Variants in KCNJ12 observed in about 807,000 individuals in gnomAD.
The protein encoded by KCNJ12 is ATP-sensitive inward rectifier potassium channel 12.
Under a neutral mutation model 22.3 loss-of-function variants are expected in KCNJ12, and 2 were observed. That is an observed-to-expected ratio of 0.09 (90% CI 0.04 to 0.28). The LOEUF is 0.28. Among genes scored for constraint, KCNJ12 ranks in the 10% least tolerant of loss-of-function variants. The pLI, the probability that KCNJ12 is intolerant of heterozygous loss-of-function variation, is 1.00. For missense variants in KCNJ12, 155 were observed against 633.3 expected (o/e 0.24, Z 8.11); for synonymous variants, 117 against 261.4 (o/e 0.45, Z 5.33).
At chr17:21,392,339 C>G (rs1336375279) in intron 1 of KCNJ12, among the ~76,000 whole-genome samples, 1 of 152,192 alleles carries the variant, frequency 6.6e-6, no homozygotes, top group Non-Finnish European at 1.5e-5. Context: ...TGTGTTTGCT[C>G]AGAGAACCCA....
chr17:21,385,777 G>A (rs1437760034), intron 1 of KCNJ12, among the ~76,000 whole-genome samples: 3 of 152,242 alleles, frequency 2.0e-5, no homozygotes, highest in South Asian at 4.1e-4. Context: ...TCATGACCAG[G>A]CTCTTGGTGG....
chr17:21,416,678 G>A lies in KCNJ12; in HGVS notation c.*34G>A, dbSNP rs782517673. 19 of 1,543,366 alleles carry A rather than the reference G, an allele frequency of 1.2e-5. No individual in the cohort carries two copies. Among genetic ancestry groups the A allele is most frequent in the African/African-American group, 9.6e-5 (7 of 73,126 alleles). ...TGGCCGACATGCAGCATCCACCCCC[G>A]GCTGGGGAGAGGCCCCGCGGTCGCT... On this transcript the variant is annotated 3_prime_UTR_variant, in exon 3 of 3. Transcript: ENST00000583088.
chr17:21,406,172 T>C (rs1431724120), intron 1 of KCNJ12, among the ~76,000 whole-genome samples: 5 of 152,406 alleles, frequency 3.3e-5, no homozygotes, highest in African/African-American at 1.2e-4. Context: ...GCAGGTGACT[T>C]AGCTTCTCTC....
intron 1 of KCNJ12, among the ~76,000 whole-genome samples, chr17:21,393,931 T>C (rs1555559614): frequency 1.3e-5 from 2 of 152,234 alleles, no homozygotes; most frequent in African/African-American, 2.4e-5. Flanking sequence ...AGGGTGCCAC[T>C]GAGGGCACTG....
At chr17:21,378,260 G>T (rs1178695620) in intron 1 of KCNJ12, among the ~76,000 whole-genome samples, 1 of 152,244 alleles carries the variant, frequency 6.6e-6, no homozygotes, top group Non-Finnish European at 1.5e-5. Context: ...CCTGTGGCGG[G>T]CGAGGGTCAG....
At position 21,418,415 on chromosome 17, in the gene KCNJ12, G is replaced by A. The variant is rs1281788850; in HGVS notation, c.*1771G>A. 1 of 162,112 alleles carries A rather than the reference G, an allele frequency of 6.2e-6. No homozygotes were observed. The highest frequency in any genetic ancestry group is 2.5e-5 in the African/African-American group (1 of 40,516). The allele number at this position is 162,112 out of a possible 1,614,324, so 10.0% of individuals were successfully genotyped here. A position where few individuals can be genotyped will look rare whatever the true frequency, so the allele number is the denominator to read the frequency against. On this transcript the variant is annotated 3_prime_UTR_variant, in exon 3 of 3. Coordinates refer to ENST00000583088, the MANE Select transcript of KCNJ12 (RefSeq NM_021012.5). ...GAAGCTGAGGCAGAGAGCAGAGGGG[G>A]TCATGCAGTGAGTGGGTGGGGTGCA...
intron 1 of KCNJ12, among the ~76,000 whole-genome samples, chr17:21,407,230 A>G (rs60889987): frequency 6.6e-6 from 1 of 152,052 alleles, no homozygotes; most frequent in South Asian, 2.1e-4. Flanking sequence ...TCACCCATCT[A>G]TCCATCCATC....
intron 1 of KCNJ12, among the ~76,000 whole-genome samples, chr17:21,386,513 CTA>C (rs1905075010): frequency 6.6e-6 from 1 of 151,970 alleles, no homozygotes; most frequent in Non-Finnish European, 1.5e-5. Context: ...TTTTTTTTAA[CTA>C]TATGTTTTTT....
rs568854958 is a variant in KCNJ12 at position 21,394,850 on chromosome 17, A to C, written c.-178-13669A>C. ...TAAACCATTAGAAATTGTTCATCTT[A>C]GTTCCAGAAATTCTTTCCAGGCCCT... On this transcript the variant is annotated intron_variant, in intron 1 of 2. Coordinates refer to ENST00000583088, the MANE Select transcript of KCNJ12 (RefSeq NM_021012.5). Among the ~76,000 whole-genome samples the C allele has an allele frequency of 3.2e-4, 48 of 152,288 alleles. 1 individual carries two copies. The highest frequency in any genetic ancestry group is 3.4e-3 in the Middle Eastern group (1 of 294).
At chr17:21,393,405 T>G (rs1266005283) in intron 1 of KCNJ12, among the ~76,000 whole-genome samples, 1 of 152,108 alleles carries the variant, frequency 6.6e-6, no homozygotes, top group Non-Finnish European at 1.5e-5. Context: ...CTGCACACCC[T>G]GCCCCACTGC....
At chr17:21,378,879 CG>C (rs1316770677) in intron 1 of KCNJ12, among the ~76,000 whole-genome samples, 1 of 152,090 alleles carries the variant, frequency 6.6e-6, no homozygotes, top group Non-Finnish European at 1.5e-5. Context: ...CAGGCTGCCC[CG>C]GAGGGGACCC....
chr17:21,393,309 C>T (rs1271973226), intron 1 of KCNJ12, among the ~76,000 whole-genome samples: 5 of 152,236 alleles, frequency 3.3e-5, no homozygotes, highest in South Asian at 2.1e-4. Flanking sequence ...CTGGCTCTGG[C>T]GGATGGGGCA....
chr17:21,407,165 C>T (rs1334538335), intron 1 of KCNJ12, among the ~76,000 whole-genome samples: 1 of 152,308 alleles, frequency 6.6e-6, no homozygotes, highest in Non-Finnish European at 1.5e-5. Flanking sequence ...CCCACCCTCA[C>T]ACCCATCCAC....
At chr17:21,405,893 G>A (rs1176435922) in intron 1 of KCNJ12, among the ~76,000 whole-genome samples, 2 of 152,308 alleles carry the variant, frequency 1.3e-5, no homozygotes, top group African/African-American at 4.8e-5. Flanking sequence ...TCTGCTCTAC[G>A]TCTCAGTACC....
chr17:21,377,679 G>C (rs1904714119), intron 1 of KCNJ12, among the ~76,000 whole-genome samples: 1 of 152,174 alleles, frequency 6.6e-6, no homozygotes, highest in Non-Finnish European at 1.5e-5. Context: ...CTCCTTGGGG[G>C]GTTCAGATGG....
At chr17:21,411,545 G>T (rs4021090) in intron 2 of KCNJ12, among the ~76,000 whole-genome samples, 1 of 152,306 alleles carries the variant, frequency 6.6e-6, no homozygotes, top group East Asian at 1.9e-4. Flanking sequence ...AGGCCAACCT[G>T]GGTGTCTGCG....
rs1305771463 is a variant in KCNJ12, at chr17:21,419,548, T to G, written c.*2904T>G. On this transcript the variant is annotated 3_prime_UTR_variant, in exon 3 of 3. Coordinates refer to ENST00000583088, the MANE Select transcript of KCNJ12 (RefSeq NM_021012.5). ...TGCGTCCGGCTCGTGTGTAGGAGGC[T>G]GTGTGTGTGCCCATGTGAAACCGTG... 1 of 104,172 alleles carries G rather than the reference T, an allele frequency of 9.6e-6. No individual in the cohort carries two copies. The highest frequency in any genetic ancestry group is 3.7e-4 in the South Asian group (1 of 2,728). 6.5% of individuals were successfully genotyped at this position (104,172 alleles called of 1,614,324 possible). A position where few individuals can be genotyped will look rare whatever the true frequency, so the allele number is the denominator to read the frequency against.
intron 2 of KCNJ12, among the ~76,000 whole-genome samples, chr17:21,414,300 C>G (rs1174768523): frequency 6.6e-6 from 1 of 152,284 alleles, no homozygotes; most frequent in Non-Finnish European, 1.5e-5. Flanking sequence ...CATGGTGAAA[C>G]CCCGTCTCTA....
At chr17:21,382,874 C>T (rs1023088917) in intron 1 of KCNJ12, among the ~76,000 whole-genome samples, 42 of 152,180 alleles carry the variant, frequency 2.8e-4, no homozygotes, top group African/African-American at 9.9e-4. Flanking sequence ...ACTTCTCAGC[C>T]CTCCCTGCCT....
Sources: gnomAD v4.1 joint callset for allele counts (sites outside exome capture counted in the v4.1 genomes callset) on GRCh38, gnomAD v4.1.1 for gene constraint, MANE v1.5 for transcripts, NCBI Gene and HGNC (gene_info 2026-07-23, HGNC 2026-07-21) for gene names.